SLC5A2: variants seen among roughly 807,000 people sequenced by gnomAD.
The protein encoded by SLC5A2 is solute carrier family 5 member 2.
In SLC5A2, 67 loss-of-function variants were observed where a neutral mutation model predicts 69.0. The ratio of observed to expected loss-of-function variants is 0.97; its 90% confidence interval spans 0.80 to 1.19. The LOEUF is 1.19. Among genes scored for constraint, SLC5A2 ranks in the 50% most tolerant of loss-of-function variants. The pLI is 0.00. For missense variants in SLC5A2, 1,001 were observed against 921.5 expected (o/e 1.09, Z -1.12); for synonymous variants, 455 against 395.8 (o/e 1.15, Z -1.78).
At chr16:31,486,133 C>T (rs747169447) in intron 4 of SLC5A2, 37 bp from the exon 5 acceptor site, 2 of 1,510,936 alleles carry the variant, frequency 1.3e-6, no homozygotes, top group Non-Finnish European at 9.2e-7. Flanking sequence ...GGGGACACTG[C>T]CCTGGGTCCT....
chr16:31,484,237 C>T (rs1332422869), intron 1 of SLC5A2, among the ~76,000 whole-genome samples: 7 of 149,404 alleles, frequency 4.7e-5, no homozygotes. Context: ...TACACACACA[C>T]ACACACACAC....
rs1473139830 is a variant in SLC5A2, at chr16:31,490,446, A to G, written c.1930A>G (p.Ser644Gly). Residue 644 changes from serine to glycine, a missense_variant, in exon 14 of 14, where the codon AGC becomes GGC. By Grantham distance (56) the Ser-to-Gly change is moderately conservative (BLOSUM62 0). Coordinates refer to ENST00000330498, the MANE Select transcript of SLC5A2 (RefSeq NM_003041.4). Reference protein sequence around the residue: ...AAAARRLEDISEDPSWARVVN... With the variant: ...AAAARRLEDIGEDPSWARVVN... Reference sequence around the variant, plus strand: ...AGCAGCCAGGCGGCTGGAGGACATCAGCGAGGACCCGAGCTGGGCCCGTGT... The same window carrying G: ...AGCAGCCAGGCGGCTGGAGGACATCGGCGAGGACCCGAGCTGGGCCCGTGT... The G allele has an allele frequency of 6.2e-7, 1 of 1,613,964 alleles. No homozygotes were observed.
chr16:31,490,033 G>A, intron 12 of SLC5A2, 71 bp from the exon 13 acceptor site: 2 of 1,602,994 alleles, frequency 1.2e-6, no homozygotes, highest in Non-Finnish European at 8.5e-7. Context: ...ACGAGCTGGT[G>A]TGCAAGAGAC....
At chr16:31,490,078 C>T in intron 12 of SLC5A2, 26 bp from the exon 13 acceptor site, 1 of 1,612,764 alleles carries the variant, frequency 6.2e-7, no homozygotes, top group Non-Finnish European at 8.5e-7. Context: ...GAACTCCCAC[C>T]TCGTTCGTGC....
chr16:31,489,361 C>A (rs780279626), intron 12 of SLC5A2, 23 bp downstream of exon 12: 3 of 1,596,394 alleles, frequency 1.9e-6, no homozygotes, highest in Non-Finnish European at 2.6e-6. Flanking sequence ...GTGCCCCAGG[C>A]AAGCACTGTG....
At chr16:31,484,227 T>TACACAC (rs537221545) in intron 1 of SLC5A2, among the ~76,000 whole-genome samples, 8 of 139,750 alleles carry the variant, frequency 5.7e-5, no homozygotes, top group African/African-American at 1.4e-4. Flanking sequence ...TCTACTAAAA[T>TACACAC]ACACACACAC....
Position 31,489,215 on chromosome 16 carries a change from C to A in SLC5A2, c.1542C>A (p.Pro514=). 1 of 1,610,264 alleles carries A rather than the reference C, an allele frequency of 6.2e-7. No homozygotes were observed. The highest frequency in any genetic ancestry group is 8.5e-7 in the Non-Finnish European group (1 of 1,180,010). ...TCGGCTCGGGCAGCTGTGTGCAGCC[C>A]TCGGCGTGCCCAGCTTTCCTCTGCG... is the stretch of plus-strand genomic sequence containing the variant. ...FSFGSGSCVQ[P]SACPAFLCGV... The change falls in exon 12 of 14, where the codon CCC becomes CCA. Residue 514 remains proline, a synonymous_variant. Transcript: ENST00000330498.
intron 1 of SLC5A2, 122 bp downstream of exon 1, chr16:31,483,384 G>A: frequency 7.8e-7 from 1 of 1,283,938 alleles, no homozygotes; most frequent in Non-Finnish European, 1.1e-6. Flanking sequence ...CCTAGGCCTG[G>A]GGGCAAGCAG....
At chr16:31,486,560 G>A (rs3813008) in intron 5 of SLC5A2, among the ~76,000 whole-genome samples, 23,158 of 152,192 alleles carry the variant, frequency 0.15, 1,811 homozygotes, top group South Asian at 0.28. Context: ...ACCTGGGAGA[G>A]CACACCTGAC....
In SLC5A2 at chr16:31,490,151, G is replaced by C. The variant is rs752061835; in HGVS notation, c.1713G>C (p.Glu571Asp). The C allele has an allele frequency of 6.2e-7, 1 of 1,614,170 alleles. No homozygotes were observed. The highest frequency in any genetic ancestry group is 8.5e-7 in the Non-Finnish European group (1 of 1,180,036). The part of the protein sequence containing the change: ...FSLRHSKEER[E>D]DLDADEQQGS... ...TCCGGCATAGCAAGGAGGAACGGGA[G>C]GACCTGGATGCTGATGAGCAGCAAG... Residue 571 changes from glutamate to aspartate, a missense_variant, in exon 13 of 14, where the codon GAG becomes GAC. Transcript: ENST00000330498.
chr16:31,488,416 G>C lies in SLC5A2; in HGVS notation c.1055G>C (p.Arg352Thr), dbSNP rs374029198. Residue 352 changes from arginine to threonine, a missense_variant, in exon 9 of 14, where the codon AGG becomes ACG. By Grantham distance (71) the Arg-to-Thr change is moderately conservative. Coordinates refer to ENST00000330498, the MANE Select transcript of SLC5A2 (RefSeq NM_003041.4). ...EVACVVPEVC[R>T]RVCGTEVGCS... is the part of the protein sequence containing the mutation. ...GCGTGCGTGGTGCCTGAGGTGTGCA[G>C]GCGCGTGTGCGGCACGGAGGTGGGC... 6 of 1,611,822 alleles carry C rather than the reference G, an allele frequency of 3.7e-6. No individual in the cohort carries two copies. The highest frequency in any genetic ancestry group is 1.1e-5 in the South Asian group (1 of 90,964).
In SLC5A2 at chr16:31,488,075, C is replaced by T. The variant is rs1459210167; in HGVS notation, c.923C>T (p.Thr308Ile). 6.2e-7 allele frequency: 1 copy of T among 1,614,014 alleles called. No individual in the cohort carries two copies. Among genetic ancestry groups the T allele is most frequent in the Non-Finnish European group, 8.5e-7 (1 of 1,179,958 alleles). ...VQRCLAGKSLTHIKAGCILCG... is the reference protein window; with the variant it reads ...VQRCLAGKSLIHIKAGCILCG... ...CGCTGCCTGGCCGGGAAGAGCCTGA[C>T]CCACATCAAGGCGGGCTGCATCCTG... is the stretch of plus-strand genomic sequence containing the variant. Residue 308 changes from threonine (T) to isoleucine (I), a missense_variant, in exon 8 of 14, where the codon ACC becomes ATC. By Grantham distance (89) the Thr-to-Ile change is moderately conservative (BLOSUM62 -1). Coordinates refer to ENST00000330498, the MANE Select transcript of SLC5A2 (RefSeq NM_003041.4).
chr16:31,490,719 C>A lies in SLC5A2; in HGVS notation c.*184C>A. ...GCAGTCACTTCCCATGAGGGCCTGG[C>A]CCACCCGCTGCAGTTGCCCTAAGGA... On this transcript the variant is annotated 3_prime_UTR_variant, in exon 14 of 14. Coordinates refer to ENST00000330498, the MANE Select transcript of SLC5A2 (RefSeq NM_003041.4). 1 of 1,265,590 alleles carries A rather than the reference C, an allele frequency of 7.9e-7. No homozygotes were observed. 78.4% of individuals were successfully genotyped at this position (1,265,590 alleles called of 1,614,324 possible). A position where few individuals can be genotyped will look rare whatever the true frequency, so the allele number is the denominator to read the frequency against.
chr16:31,490,575 G>A lies in SLC5A2; in HGVS notation c.*40G>A. 1 of 1,529,734 alleles carries A rather than the reference G, an allele frequency of 6.5e-7. No individual in the cohort carries two copies. 94.8% of individuals were successfully genotyped at this position (1,529,734 alleles called of 1,614,324 possible). ...GACACCATAAGCCACAGCCTCACAG[G>A]AAGTGGGGGTGAGGAGCCTGCGGTG... On this transcript the variant is annotated 3_prime_UTR_variant, in exon 14 of 14. Coordinates refer to ENST00000330498, the MANE Select transcript of SLC5A2 (RefSeq NM_003041.4).
rs1416582167 is a variant in SLC5A2, at chr16:31,490,103, G to C, written c.1666-1G>C. 1 of 1,613,568 alleles carries C rather than the reference G, an allele frequency of 6.2e-7. No homozygotes were observed. The highest frequency in any genetic ancestry group is 1.3e-5 in the African/African-American group (1 of 74,910). ...CTCGTTCGTGCTCCCACCCTCCCCAGCTCCACCGCCTGGTCTTCAGTCTCC... is the reference window on the plus strand; with the variant it reads ...CTCGTTCGTGCTCCCACCCTCCCCACCTCCACCGCCTGGTCTTCAGTCTCC... On this transcript the variant is annotated splice_acceptor_variant, in intron 12 of 13. Transcript: ENST00000330498. LOFTEE classifies it high-confidence loss of function.
Position 31,486,845 on chromosome 16 carries a change from G to C in SLC5A2, c.575-475G>C, listed in dbSNP as rs140182118. Among the ~76,000 whole-genome samples the C allele has an allele frequency of 6.6e-3, 999 of 152,328 alleles. 17 individuals carry two copies. The highest frequency in any genetic ancestry group is 0.023 in the African/African-American group (958 of 41,578). On this transcript the variant is annotated intron_variant, in intron 5 of 13. Coordinates refer to ENST00000330498, the MANE Select transcript of SLC5A2 (RefSeq NM_003041.4). The stretch of plus-strand genomic sequence containing the variant: ...GCGGATCACGCGGTCAGGAGTTTGA[G>C]ACCAGCCTGGCCAACATGGTGAAAC...
At position 31,484,705 on chromosome 16, in the gene SLC5A2, C is replaced by T. The variant is rs764251630; in HGVS notation, c.159C>T (p.Gly53=). The change falls in exon 2 of 14, where the codon GGC becomes GGT. Residue 53 remains glycine (G), a synonymous_variant. Transcript: ENST00000330498. Reference sequence around the variant, plus strand: ...GCAGAACCAACAGAGGCACTGTGGGCGGCTACTTCCTGGCAGGACGCAGCA... The same window carrying T: ...GCAGAACCAACAGAGGCACTGTGGGTGGCTACTTCCTGGCAGGACGCAGCA... The part of the protein sequence containing the change: ...SMCRTNRGTV[G]GYFLAGRSMV... 33 of 1,609,122 alleles carry T rather than the reference C, an allele frequency of 2.1e-5. No individual in the cohort carries two copies. Among genetic ancestry groups the T allele is most frequent in the African/African-American group, 5.3e-5 (4 of 74,948 alleles).
chr16:31,487,801 G>T lies in SLC5A2; in HGVS notation c.885+42G>T, dbSNP rs1164386915. The T allele has an allele frequency of 2.6e-6, 4 of 1,551,374 alleles. No homozygotes were observed. The East Asian group carries it at 9.4e-5, about 37-fold the overall frequency. Reference sequence around the variant, plus strand: ...GCGCCTGCAGTGAGGCCGGGGCGGAGCCGAGACGGGCGGAGCCTGAGTCCC... The same window carrying T: ...GCGCCTGCAGTGAGGCCGGGGCGGATCCGAGACGGGCGGAGCCTGAGTCCC... On this transcript the variant is annotated intron_variant, in intron 7 of 13. Transcript: ENST00000330498.
chr16:31,487,983 CGGGGCGG>C, intron 7 of SLC5A2, 48 bp from the exon 8 acceptor site: 1 of 1,602,310 alleles, frequency 6.2e-7, no homozygotes, highest in Non-Finnish European at 8.5e-7. Context: ...GAACGGGGCG[CGGGGCGG>C]GGCCGAGGGG....
Sources: allele counts gnomAD v4.1 joint callset (sites outside exome capture counted in the v4.1 genomes callset), GRCh38; gene constraint gnomAD v4.1.1; transcripts MANE v1.5; gene names NCBI Gene and HGNC (gene_info 2026-07-23, HGNC 2026-07-21).